Variants in DIP2A observed in about 807,000 individuals in gnomAD.
The protein encoded by DIP2A is DIP2 acetate--CoA ligase A, also known as disco-interacting protein 2 homolog A.
DIP2A carries 85 observed loss-of-function variants against 177.4 expected under a neutral mutation model. That is an observed-to-expected ratio of 0.48 (90% CI 0.40 to 0.57). DIP2A has a LOEUF of 0.57. Ranked by LOEUF, DIP2A falls within the 20% of genes least tolerant of loss-of-function variation. The pLI is 0.00. For missense variants in DIP2A, 1,791 were observed against 2,100.2 expected, an observed-to-expected ratio of 0.85 and a Z score of 2.88; for synonymous variants, 886 against 881.8, an observed-to-expected ratio of 1.00 and a Z score of -0.08.
At chr21:46,554,753 C>T (rs993622606) in intron 27 of DIP2A, 57 bp downstream of exon 27, 118 of 1,545,658 alleles carry the variant, frequency 7.6e-5, no homozygotes, top group Non-Finnish European at 9.4e-5. Flanking sequence ...CAAGGCTGCC[C>T]TCCGCTGCCC....
At chr21:46,497,185 G>A (rs2057405529) in intron 4 of DIP2A, 78 bp downstream of exon 4, 1 of 1,514,602 alleles carries the variant, frequency 6.6e-7, no homozygotes, top group Non-Finnish European at 8.9e-7. Flanking sequence ...ACTTCCCATT[G>A]AGTTGGAATA....
chr21:46,470,420 G>A (rs1476604475), intron 1 of DIP2A, among the ~76,000 whole-genome samples: 1 of 150,512 alleles, frequency 6.6e-6, no homozygotes, highest in East Asian at 2.0e-4. Flanking sequence ...GTTGCGGTGA[G>A]CCGAGATCGT....
chr21:46,496,819 TACAA>T (rs2057383894), intron 3 of DIP2A, among the ~76,000 whole-genome samples, 165 bp from the exon 4 acceptor site: 1 of 152,218 alleles, frequency 6.6e-6, no homozygotes, highest in Admixed American at 6.5e-5. Flanking sequence ...AAGTTAGATC[TACAA>T]ACAAAGAAAT....
Position 46,556,311 on chromosome 21 carries a change from T to C in DIP2A, c.3498+220T>C, listed in dbSNP as rs2060465073. Reference sequence around the variant, plus strand: ...ATGCATTATGGTTATGTCTAAACTTTCTGATTTATGACTGTCTAGCTTACA... The same window carrying C: ...ATGCATTATGGTTATGTCTAAACTTCCTGATTTATGACTGTCTAGCTTACA... On this transcript the variant is annotated intron_variant, in intron 29 of 37. Coordinates refer to ENST00000417564, the MANE Select transcript of DIP2A (RefSeq NM_015151.4). The surrounding 1 kb of genome is among the most constrained non-coding windows in gnomAD (Gnocchi z 4.5). 1 of 1,501,954 alleles carries C rather than the reference T, an allele frequency of 6.7e-7. No individual in the cohort carries two copies. The highest frequency in any genetic ancestry group is 1.4e-5 in the African/African-American group (1 of 72,114). The allele number at this position is 1,501,954 out of a possible 1,614,324, so 93.0% of individuals were successfully genotyped here. A position where few individuals can be genotyped will look rare whatever the true frequency, so the allele number is the denominator to read the frequency against.
the DIP2A span, among the ~76,000 whole-genome samples, chr21:46,582,347 CT>C: frequency 3.3e-5 from 5 of 152,282 alleles, no homozygotes; most frequent in Admixed American, 6.5e-5. Flanking sequence ...GCCCCTCCCC[CT>C]AGGTACTCAG....
chr21:46,556,900 A>G lies in DIP2A; in HGVS notation c.3499-39A>G. On this transcript the variant is annotated intron_variant, in intron 29 of 37. Transcript: ENST00000417564. The surrounding 1 kb of genome is among the most constrained non-coding windows in gnomAD (Gnocchi z 4.5). ...TCCACCCTCTCCCCTCCTGAATTTCATTTCACTTTTTTTTTTTGAACTTTA... is the reference window on the plus strand; with the variant it reads ...TCCACCCTCTCCCCTCCTGAATTTCGTTTCACTTTTTTTTTTTGAACTTTA... The G allele has an allele frequency of 6.6e-7, 1 of 1,506,124 alleles. No individual in the cohort carries two copies. Among genetic ancestry groups the G allele is most frequent in the South Asian group, 1.2e-5 (1 of 81,908 alleles). 93.3% of individuals were successfully genotyped at this position (1,506,124 alleles called of 1,614,324 possible). A position where few individuals can be genotyped will look rare whatever the true frequency, so the allele number is the denominator to read the frequency against.
intron 1 of DIP2A, chr21:46,462,752 C>A (rs1466383127): frequency 6.6e-6 from 1 of 151,266 alleles, no homozygotes; most frequent in Non-Finnish European, 1.5e-5. Flanking sequence ...ATGCTGTCTT[C>A]AACAGAAACT....
In DIP2A at chr21:46,563,916, A is replaced by C; in HGVS notation, c.4148A>C (p.Asp1383Ala). Residue 1383 changes from aspartate to alanine, a missense_variant, in exon 35 of 38, where the codon GAC (aspartate) becomes GCC (alanine). Physicochemically the swap from Asp to Ala is moderately radical, Grantham distance 126. Coordinates refer to ENST00000417564, the MANE Select transcript of DIP2A (RefSeq NM_015151.4). The surrounding 1 kb of genome is among the most constrained non-coding windows in gnomAD (Gnocchi z 4.3). ...AHTETKGPLG[D>A]SHLGEIWVSS... ...ACCGAGACCAAAGGACCCTTGGGAG[A>C]CTCACACCTGGGAGAGGTGAGCAGG... 1 of 1,609,564 alleles carries C rather than the reference A, an allele frequency of 6.2e-7. No individual in the cohort carries two copies. The highest frequency in any genetic ancestry group is 8.5e-7 in the Non-Finnish European group (1 of 1,178,980).
chr21:46,541,235 C>G (rs567583450), intron 17 of DIP2A, among the ~76,000 whole-genome samples: 5 of 152,128 alleles, frequency 3.3e-5, no homozygotes, highest in African/African-American at 4.8e-5. Flanking sequence ...TATTGTCTCT[C>G]ATGCTTTCTG....
At chr21:46,497,190 G>A (rs568382990) in intron 4 of DIP2A, 83 bp downstream of exon 4, 5 of 1,499,952 alleles carry the variant, frequency 3.3e-6, no homozygotes, top group Non-Finnish European at 3.6e-6. Context: ...CCATTGAGTT[G>A]GAATATCCGT....
Position 46,561,789 on chromosome 21 carries a change from T to C in DIP2A, c.4073T>C (p.Leu1358Ser). The C allele has an allele frequency of 3.1e-6, 5 of 1,613,910 alleles. No homozygotes were observed. The highest frequency in any genetic ancestry group is 4.2e-6 in the Non-Finnish European group (5 of 1,179,860). The change falls in exon 34 of 38, where the codon TTG (leucine) becomes TCG (serine). Residue 1358 changes from leucine (L) to serine (S), a missense_variant. Coordinates refer to ENST00000417564, the MANE Select transcript of DIP2A (RefSeq NM_015151.4). ...VERGSPHSLP[L>S]MESGKILPGV... ...CGGGGTTCTCCGCACAGCCTGCCAT[T>C]GATGGAGTCTGGAAAGGTAGTGGAA...
chr21:46,501,057 A>G (rs1208740886), intron 5 of DIP2A, among the ~76,000 whole-genome samples: 1 of 152,250 alleles, frequency 6.6e-6, no homozygotes, highest in East Asian at 1.9e-4. Context: ...TAAATGTTGG[A>G]CATAGTTAAT....
At chr21:46,470,208 C>T (rs2055226936) in intron 1 of DIP2A, among the ~76,000 whole-genome samples, 1 of 152,122 alleles carries the variant, frequency 6.6e-6, no homozygotes, top group Admixed American at 6.6e-5. Context: ...GGCACAGTAG[C>T]TCATGCCTGT....
chr21:46,504,215 C>A, intron 5 of DIP2A, 146 bp from the exon 6 acceptor site: 1 of 1,153,214 alleles, frequency 8.7e-7, no homozygotes, highest in Non-Finnish European at 1.2e-6. Flanking sequence ...CTTTGGTCAG[C>A]CAAGAAAACA....
At chr21:46,515,902 AT>A in intron 8 of DIP2A, among the ~76,000 whole-genome samples, 1 of 152,018 alleles carries the variant, frequency 6.6e-6, no homozygotes, top group South Asian at 2.1e-4. Flanking sequence ...TACTATATAC[AT>A]TCCTTCCTGA....
intron 6 of DIP2A, among the ~76,000 whole-genome samples, chr21:46,509,050 T>C (rs1177912675): frequency 1.3e-5 from 2 of 152,124 alleles, no homozygotes; most frequent in African/African-American, 4.8e-5. Context: ...AAAAACCTGC[T>C]AGCTTAGAAC....
chr21:46,533,685 CTG>C (rs1240421970), intron 11 of DIP2A, 38 bp downstream of exon 11: 1 of 1,613,114 alleles, frequency 6.2e-7, no homozygotes, highest in Non-Finnish European at 8.5e-7. Flanking sequence ...AGTGTTCTGA[CTG>C]TGGTCTGTGT....
At position 46,489,621 on chromosome 21, in the gene DIP2A, G is replaced by A. The variant is rs538067541; in HGVS notation, c.164-979G>A. Among the ~76,000 whole-genome samples the A allele has an allele frequency of 4.6e-5, 7 of 152,358 alleles. No homozygotes were observed. In the South Asian group the frequency reaches 1.4e-3, roughly 32 times the overall value. On this transcript the variant is annotated intron_variant, in intron 2 of 37. Coordinates refer to ENST00000417564, the MANE Select transcript of DIP2A (RefSeq NM_015151.4). ...CGCTTGTTGGGGCAGTCACTGACCTGCCCAGGTTTGAGGCAGCGTGGACTC... is the reference window on the plus strand; with the variant it reads ...CGCTTGTTGGGGCAGTCACTGACCTACCCAGGTTTGAGGCAGCGTGGACTC...
chr21:46,533,356 ATT>A (rs552771846), intron 10 of DIP2A, among the ~76,000 whole-genome samples, 166 bp from the exon 11 acceptor site: 77 of 152,348 alleles, frequency 5.1e-4, no homozygotes, highest in African/African-American at 1.8e-3. Context: ...TTCATGAACT[ATT>A]TCCGTGAAAA....
Sources: allele counts gnomAD v4.1 joint callset (sites outside exome capture counted in the v4.1 genomes callset), GRCh38; gene constraint gnomAD v4.1.1; non-coding constraint Gnocchi (gnomAD v3.1); transcripts MANE v1.5; gene names NCBI Gene and HGNC (gene_info 2026-07-23, HGNC 2026-07-21).